The following PCDH9 variants were observed in gnomAD, a reference collection of about 807,000 sequenced individuals.
The protein encoded by PCDH9 is protocadherin-9.
Under a neutral mutation model 70.6 loss-of-function variants are expected in PCDH9, and 24 were observed. The ratio of observed to expected loss-of-function variants is 0.34; its 90% CI spans 0.25 to 0.48. The LOEUF (loss-of-function observed/expected upper bound fraction) is 0.48. Ranked by LOEUF, PCDH9 falls within the 20% of genes least tolerant of loss-of-function variation. The pLI, the probability that PCDH9 is intolerant of heterozygous loss-of-function variation, is 0.99. For missense variants in PCDH9, 1,281 were observed against 1,503.6 expected (o/e 0.85, Z 2.45); for synonymous variants, 562 against 558.5 (o/e 1.01, Z -0.09).
chr13:66,683,442 C>A (rs2078356168), intron 3 of PCDH9, among the ~76,000 whole-genome samples: 1 of 152,148 alleles, frequency 6.6e-6, no homozygotes, highest in South Asian at 2.1e-4. Flanking sequence ...CACTAAACAG[C>A]CACTGGGATA....
Position 67,123,227 on chromosome 13 carries a change from A to G in PCDH9, c.3036+102178T>C, listed in dbSNP as rs114238692. Among the ~76,000 whole-genome samples, 1,364 of 152,270 alleles carry G rather than the reference A, an allele frequency of 9.0e-3. 21 individuals are homozygous for G. The highest frequency in any genetic ancestry group is 0.031 in the African/African-American group (1,271 of 41,554). On this transcript the variant is annotated intron_variant, in intron 2 of 4. Transcript: ENST00000377865. ...AAGTTTCCAGGGGAGAAATCAAATAAATAAAGATTGTCAACGTTTGCTGCT... is the reference window on the plus strand; with the variant it reads ...AAGTTTCCAGGGGAGAAATCAAATAGATAAAGATTGTCAACGTTTGCTGCT...
At chr13:66,570,410 G>C (rs2076718088) in intron 4 of PCDH9, among the ~76,000 whole-genome samples, 2 of 152,148 alleles carry the variant, frequency 1.3e-5, no homozygotes, top group South Asian at 4.2e-4. Flanking sequence ...ATATAACACA[G>C]ACACACACAC....
chr13:66,564,095 C>T (rs953136814), intron 4 of PCDH9, among the ~76,000 whole-genome samples: 1 of 151,972 alleles, frequency 6.6e-6, no homozygotes, highest in Non-Finnish European at 1.5e-5. Flanking sequence ...CAGGGGAATA[C>T]AACAGTAATA....
chr13:67,154,975 G>A (rs1434476734), intron 2 of PCDH9, among the ~76,000 whole-genome samples: 1 of 151,924 alleles, frequency 6.6e-6, no homozygotes, highest in East Asian at 1.9e-4. Context: ...AGTGGTGGGT[G>A]GGTGGCATGA....
intron 2 of PCDH9, among the ~76,000 whole-genome samples, chr13:66,932,595 T>G (rs1594277220): frequency 6.6e-6 from 1 of 150,460 alleles, no homozygotes; most frequent in East Asian, 2.0e-4. Context: ...ATCATTCACT[T>G]TTGAAAGTTT....
chr13:66,409,718 G>C (rs947846317), intron 4 of PCDH9, among the ~76,000 whole-genome samples: 2 of 152,152 alleles, frequency 1.3e-5, no homozygotes, highest in African/African-American at 4.8e-5. Flanking sequence ...ATATATTCAA[G>C]ATCACCTCAT....
rs1212037959 is a variant in PCDH9, at chr13:67,113,572, G to C, written c.3036+111833C>G. Among the ~76,000 whole-genome samples, 3 of 151,502 alleles carry C rather than the reference G, an allele frequency of 2.0e-5. No individual in the cohort carries two copies. The East Asian group carries it at 5.8e-4, about 29-fold the overall frequency. The stretch of plus-strand genomic sequence containing the variant: ...AAATCATGTTTTTTTTTTTGAGACG[G>C]ACTCTCGCTCTGTCGCCCAGGCTGG... On this transcript the variant is annotated intron_variant, in intron 2 of 4. Coordinates refer to ENST00000377865, the MANE Select transcript of PCDH9 (RefSeq NM_203487.3).
chr13:66,540,173 C>A (rs549025031), intron 4 of PCDH9, among the ~76,000 whole-genome samples: 2 of 151,870 alleles, frequency 1.3e-5, no homozygotes, highest in Admixed American at 1.3e-4. Context: ...TTGTTCCTGG[C>A]AAAGTTTAGA....
intron 2 of PCDH9, among the ~76,000 whole-genome samples, chr13:67,110,651 T>G (rs970903631): frequency 1.3e-5 from 2 of 152,166 alleles, no homozygotes; most frequent in African/African-American, 4.8e-5. Context: ...ACACATAATA[T>G]TTATAATCTC....
At chr13:66,748,436 A>C (rs1342034893) in intron 3 of PCDH9, among the ~76,000 whole-genome samples, 1 of 152,234 alleles carries the variant, frequency 6.6e-6, no homozygotes, top group Middle Eastern at 3.2e-3. Flanking sequence ...TCCTACTCTG[A>C]AACACTCAGA....
At chr13:66,701,026 T>G (rs2078639804) in intron 3 of PCDH9, among the ~76,000 whole-genome samples, 1 of 147,264 alleles carries the variant, frequency 6.8e-6, no homozygotes. Flanking sequence ...TACTTATATA[T>G]TTCAAGGTTT....
intron 3 of PCDH9, among the ~76,000 whole-genome samples, chr13:66,688,674 C>T (rs546508925): frequency 3.9e-5 from 6 of 152,174 alleles, no homozygotes; most frequent in African/African-American, 1.4e-4. Context: ...ATTCAGTTTG[C>T]TATTATTACA....
At position 66,982,307 on chromosome 13, in the gene PCDH9, G is replaced by A. The variant is rs141621038; in HGVS notation, c.3037-78702C>T. On this transcript the variant is annotated intron_variant, in intron 2 of 4. Coordinates refer to ENST00000377865, the MANE Select transcript of PCDH9 (RefSeq NM_203487.3). Reference sequence around the variant, plus strand: ...TTCTTTATAAATTACCCAGTCTCAGGTATTTCTTTATAGCAATGCATAAAT... The same window carrying A: ...TTCTTTATAAATTACCCAGTCTCAGATATTTCTTTATAGCAATGCATAAAT... 2.3e-4 allele frequency among the ~76,000 whole-genome samples: 35 copies of A among 152,244 alleles called. No individual in the cohort carries two copies. The East Asian group carries it at 5.8e-3, about 25-fold the overall frequency.
At chr13:67,098,142 GAAC>G (rs1290781921) in intron 2 of PCDH9, among the ~76,000 whole-genome samples, 1 of 151,984 alleles carries the variant, frequency 6.6e-6, no homozygotes, top group Non-Finnish European at 1.5e-5. Context: ...CAAGCAGCGG[GAAC>G]AACAACAAAA....
At chr13:67,015,137 C>T (rs982746741) in intron 2 of PCDH9, among the ~76,000 whole-genome samples, 8 of 152,098 alleles carry the variant, frequency 5.3e-5, no homozygotes, top group Non-Finnish European at 1.2e-4. Context: ...TCATTTACCA[C>T]CTTTTCCCAC....
chr13:66,937,668 C>G (rs2082938933), intron 2 of PCDH9, among the ~76,000 whole-genome samples: 1 of 152,182 alleles, frequency 6.6e-6, no homozygotes, highest in African/African-American at 2.4e-5. Context: ...GCACTTGTAA[C>G]AATGGCTGAG....
rs112034283 is a variant in PCDH9 at position 66,618,220 on chromosome 13, G to A, written c.3340+12990C>T. On this transcript the variant is annotated intron_variant, in intron 4 of 4. Transcript: ENST00000377865. ...GTCTGCGAGCCTGAAGTTTTGTGGC[G>A]GTGGGACAAAGAACCTCATCTTTAG... is the stretch of plus-strand genomic sequence containing the variant. 3.0e-3 allele frequency among the ~76,000 whole-genome samples: 461 copies of A among 152,228 alleles called. 1 individual carries two copies. The highest frequency in any genetic ancestry group is 0.011 in the African/African-American group (438 of 41,522).
intron 3 of PCDH9, among the ~76,000 whole-genome samples, chr13:66,813,494 G>GAAGGAAGAA (rs2080547751): frequency 6.6e-6 from 1 of 151,420 alleles, no homozygotes; most frequent in Non-Finnish European, 1.5e-5. Context: ...AGGAAAGGAG[G>GAAGGAAGAA]AAGGAAGAAA....
chr13:66,829,399 C>CA (rs1257047114), intron 3 of PCDH9, among the ~76,000 whole-genome samples: 1 of 151,642 alleles, frequency 6.6e-6, no homozygotes, highest in Non-Finnish European at 1.5e-5. Context: ...TTGGAAAAGG[C>CA]AAAAAATATG....
Sources: allele counts gnomAD v4.1 joint callset (sites outside exome capture counted in the v4.1 genomes callset), GRCh38; gene constraint gnomAD v4.1.1; transcripts MANE v1.5; gene names NCBI Gene and HGNC (gene_info 2026-07-23, HGNC 2026-07-21).